Variants in PACSIN2 observed in about 807,000 individuals in gnomAD.
PACSIN2 encodes protein kinase C and casein kinase substrate in neurons protein 2.
Under a neutral mutation model 63.8 loss-of-function variants are expected in PACSIN2, and 25 were observed. That is an observed-to-expected ratio of 0.39 (90% CI 0.29 to 0.55). The LOEUF (loss-of-function observed/expected upper bound fraction) is 0.55, where lower values mean the gene tolerates loss of function less well. PACSIN2 is among the 20% of genes least tolerant of loss of function. The pLI is 0.62. For missense variants in PACSIN2, 518 were observed against 646.9 expected, an observed-to-expected ratio of 0.80 and a Z score of 2.16; for synonymous variants, 255 against 256.2, an observed-to-expected ratio of 1.00 and a Z score of 0.05.
chr22:42,982,869 TAAAAAAAAAA>T (rs1252040629), intron 1 of PACSIN2, among the ~76,000 whole-genome samples: 7 of 44,010 alleles, frequency 1.6e-4, no homozygotes, highest in Admixed American at 3.5e-4. Flanking sequence ...GAATGATCAA[TAAAAAAAAAA>T]AAAAAAAAAA....
In PACSIN2 at chr22:42,870,506, A is replaced by G. The variant is rs1342438719; in HGVS notation, c.*851T>C. On this transcript the variant is annotated 3_prime_UTR_variant, in exon 11 of 11. Coordinates refer to ENST00000263246, the MANE Select transcript of PACSIN2 (RefSeq NM_001184970.3). ...GATAGACACTGAGACATGACAGTCTAATCTAAAGCATCTTTACAGATGCAT... is the reference window on the plus strand; with the variant it reads ...GATAGACACTGAGACATGACAGTCTGATCTAAAGCATCTTTACAGATGCAT... The G allele has an allele frequency of 6.6e-6, 1 of 151,500 alleles. No individual in the cohort carries two copies. Among genetic ancestry groups the G allele is most frequent in the Non-Finnish European group, 1.5e-5 (1 of 67,524 alleles). 9.4% of individuals were successfully genotyped at this position (151,500 alleles called of 1,614,324 possible). A position where few individuals can be genotyped will look rare whatever the true frequency, so the allele number is the denominator to read the frequency against.
chr22:43,002,540 G>A (rs186185795), intron 1 of PACSIN2: 5 of 152,186 alleles, frequency 3.3e-5, no homozygotes, highest in Admixed American at 3.3e-4. Flanking sequence ...ACAGATACTT[G>A]GAAGTTCTAA....
In PACSIN2 at chr22:42,982,868, A is replaced by AT. The variant is rs1381256426; in HGVS notation, c.-78+32152dup. On this transcript the variant is annotated intron_variant, in intron 1 of 10. Coordinates refer to ENST00000263246, the MANE Select transcript of PACSIN2 (RefSeq NM_001184970.3). Reference sequence around the variant, plus strand: ...TGCGAGAAACACCAAAGAATGATCAATAAAAAAAAAAAAAAAAAAAAACAA... The same window carrying AT: ...TGCGAGAAACACCAAAGAATGATCAATTAAAAAAAAAAAAAAAAAAAAACAA... Among the ~76,000 whole-genome samples the AT allele has an allele frequency of 4.1e-3, 488 of 117,616 alleles. 6 individuals are homozygous for AT. The highest frequency in any genetic ancestry group is 0.017 in the African/African-American group (460 of 27,792). The allele number at this position is 117,616 out of a possible 152,430, so 77.2% of individuals were successfully genotyped here.
chr22:42,960,837 T>C (rs1347067664), intron 1 of PACSIN2, among the ~76,000 whole-genome samples: 1 of 152,208 alleles, frequency 6.6e-6, no homozygotes, highest in African/African-American at 2.4e-5. Flanking sequence ...GCACTTTAGG[T>C]ATGCATATTA....
At chr22:42,892,357 G>A (rs1010140934) in intron 3 of PACSIN2, among the ~76,000 whole-genome samples, 3 of 152,296 alleles carry the variant, frequency 2.0e-5, no homozygotes, top group South Asian at 2.1e-4. Context: ...AGGGGGACAC[G>A]TGACTCTGGG....
intron 1 of PACSIN2, among the ~76,000 whole-genome samples, chr22:42,933,201 A>C (rs1489093561): frequency 6.6e-6 from 1 of 152,230 alleles, no homozygotes; most frequent in Non-Finnish European, 1.5e-5. Context: ...AGAAATTGGA[A>C]ACAAACTATC....
chr22:42,977,261 T>C (rs944296672), intron 1 of PACSIN2, among the ~76,000 whole-genome samples: 1 of 151,956 alleles, frequency 6.6e-6, no homozygotes, highest in African/African-American at 2.4e-5. Flanking sequence ...ATAGAAACAA[T>C]AGCTGGGGAC....
At chr22:42,949,371 G>A (rs1933576140) in intron 1 of PACSIN2, among the ~76,000 whole-genome samples, 2 of 152,086 alleles carry the variant, frequency 1.3e-5, no homozygotes, top group Non-Finnish European at 2.9e-5. Flanking sequence ...TTGGCAAGCA[G>A]GACTTACACA....
chr22:42,925,049 G>A (rs1307686033), intron 1 of PACSIN2, among the ~76,000 whole-genome samples: 2 of 151,894 alleles, frequency 1.3e-5, no homozygotes, highest in East Asian at 3.9e-4. Context: ...CGGCCCCAGT[G>A]AGAACTTTTC....
intron 2 of PACSIN2, among the ~76,000 whole-genome samples, chr22:42,900,340 T>C (rs1377348287): frequency 2.0e-5 from 3 of 152,178 alleles, no homozygotes; most frequent in Non-Finnish European, 4.4e-5. Context: ...ACTGAGTGAT[T>C]TTCACTAGCG....
chr22:42,953,346 CA>C (rs1393431214), intron 1 of PACSIN2, among the ~76,000 whole-genome samples: 1 of 151,190 alleles, frequency 6.6e-6, no homozygotes, highest in East Asian at 1.9e-4. Context: ...GCAATCAAAA[CA>C]AAAGAGAGAA....
intron 1 of PACSIN2, among the ~76,000 whole-genome samples, chr22:42,948,486 G>A (rs777790416): frequency 2.0e-5 from 3 of 152,182 alleles, no homozygotes; most frequent in South Asian, 2.1e-4. Context: ...AAAGCCACAC[G>A]AGCTGGGTGT....
At chr22:42,904,770 C>A (rs1219437966) in intron 2 of PACSIN2, among the ~76,000 whole-genome samples, 1 of 152,192 alleles carries the variant, frequency 6.6e-6, no homozygotes, top group Non-Finnish European at 1.5e-5. Context: ...GCCCCCTGCA[C>A]CCGAATCCTG....
intron 2 of PACSIN2, among the ~76,000 whole-genome samples, chr22:42,898,550 C>T (rs1262203662): frequency 3.3e-5 from 5 of 152,232 alleles, no homozygotes; most frequent in East Asian, 1.9e-4. Context: ...GGATTACAGG[C>T]GTGAGCCACT....
chr22:42,872,358 G>A (rs1928220227), intron 10 of PACSIN2, among the ~76,000 whole-genome samples: 3 of 152,268 alleles, frequency 2.0e-5, no homozygotes, highest in African/African-American at 7.2e-5. Flanking sequence ...GGGAAGGCCA[G>A]TTGGGCCTGC....
chr22:42,978,635 C>T (rs73889007), intron 1 of PACSIN2, among the ~76,000 whole-genome samples: 6,538 of 152,204 alleles, frequency 0.043, 464 homozygotes, highest in African/African-American at 0.15. Flanking sequence ...GGGAGGCAGT[C>T]GGGCAACATT....
chr22:42,887,523 C>T (rs1347536300), intron 5 of PACSIN2, among the ~76,000 whole-genome samples: 1 of 152,126 alleles, frequency 6.6e-6, no homozygotes, highest in Non-Finnish European at 1.5e-5. Flanking sequence ...GGAGTGCAGC[C>T]TCTCTCTACC....
At chr22:42,966,464 C>T (rs1920958033) in intron 1 of PACSIN2, among the ~76,000 whole-genome samples, 1 of 152,068 alleles carries the variant, frequency 6.6e-6, no homozygotes, top group Admixed American at 6.6e-5. Flanking sequence ...AGAAGAAGGT[C>T]CCAGGACAAA....
intron 1 of PACSIN2, among the ~76,000 whole-genome samples, chr22:43,001,886 C>G (rs1300324064): frequency 6.6e-6 from 1 of 152,148 alleles, no homozygotes; most frequent in African/African-American, 2.4e-5. Flanking sequence ...CCACCTGGAG[C>G]CCCTCTCTGT....
Sources: allele counts gnomAD v4.1 joint callset (sites outside exome capture counted in the v4.1 genomes callset), GRCh38; gene constraint gnomAD v4.1.1; transcripts MANE v1.5; gene names NCBI Gene and HGNC (gene_info 2026-07-23, HGNC 2026-07-21).